The following PDE4D variants were observed in gnomAD, a reference collection of about 807,000 sequenced individuals.
PDE4D encodes the protein 3',5'-cyclic-AMP phosphodiesterase 4D.
PDE4D carries 24 observed loss-of-function variants against 87.4 expected under a neutral mutation model. The observed-to-expected ratio is 0.27, with a 90% CI of 0.20 to 0.39. The LOEUF is 0.39. Ranked by LOEUF, PDE4D falls within the 10% of genes least tolerant of loss-of-function variation. The pLI, the probability that PDE4D is intolerant of heterozygous loss-of-function variation, is 1.00. For missense variants in PDE4D, 714 were observed against 1,041.0 expected, an observed-to-expected ratio of 0.69 and a Z score of 4.32; for synonymous variants, 384 against 383.2, an observed-to-expected ratio of 1.00 and a Z score of -0.02.
Position 59,408,800 on chromosome 5 carries a change from C to G in PDE4D, c.456-192832G>C, listed in dbSNP as rs62357477. ...ATTTAATGACTGTCCTGTTGTGTTT[C>G]AGACTTGGGTGGGGCCTGAAGTCAT... On this transcript the variant is annotated intron_variant, in intron 1 of 14. Coordinates refer to ENST00000340635, the MANE Select transcript of PDE4D (RefSeq NM_001104631.2). Among the ~76,000 whole-genome samples the G allele has an allele frequency of 7.3e-3, 1,110 of 152,260 alleles. 10 individuals carry two copies. Among genetic ancestry groups the G allele is most frequent in the Middle Eastern group, 0.027 (8 of 294 alleles).
At chr5:59,108,200 G>A (rs893600706) in intron 5 of PDE4D, among the ~76,000 whole-genome samples, 4 of 152,118 alleles carry the variant, frequency 2.6e-5, no homozygotes, top group East Asian at 3.9e-4. Context: ...TACAAAATGC[G>A]TAAACCCAAC....
At chr5:60,343,220 C>G (rs1258419372) in intron 1 of PDE4D, among the ~76,000 whole-genome samples, 1 of 152,088 alleles carries the variant, frequency 6.6e-6, no homozygotes, top group East Asian at 1.9e-4. Flanking sequence ...TTCTTGTCAT[C>G]AATGAACTAG....
Position 59,622,524 on chromosome 5 carries a change from T to C in PDE4D, c.455+270644A>G, listed in dbSNP as rs189602628. ...CTACCTTAATGTATGGCTATTATTA[T>C]CTTGATGATCACATTGGCTTTGCTT... On this transcript the variant is annotated intron_variant, in intron 1 of 14. Coordinates refer to ENST00000340635, the MANE Select transcript of PDE4D (RefSeq NM_001104631.2). Among the ~76,000 whole-genome samples, 510 of 152,314 alleles carry C rather than the reference T, an allele frequency of 3.3e-3. 5 individuals are homozygous for C. The highest frequency in any genetic ancestry group is 0.012 in the African/African-American group (486 of 41,576).
chr5:60,350,668 G>C (rs1449085267), intron 1 of PDE4D, among the ~76,000 whole-genome samples: 1 of 152,172 alleles, frequency 6.6e-6, no homozygotes, highest in Non-Finnish European at 1.5e-5. Flanking sequence ...TGCAGGACAG[G>C]TGTGGCCAAA....
At chr5:59,610,703 T>C (rs1385522780) in intron 1 of PDE4D, among the ~76,000 whole-genome samples, 2 of 152,152 alleles carry the variant, frequency 1.3e-5, no homozygotes. Flanking sequence ...GATGGGATCA[T>C]GCCTCAAACC....
intron 1 of PDE4D, among the ~76,000 whole-genome samples, chr5:60,238,256 T>C (rs953049986): frequency 6.6e-6 from 1 of 152,008 alleles, no homozygotes; most frequent in South Asian, 2.1e-4. Context: ...TCATCTACTA[T>C]GCTGTAAGTC....
intron 1 of PDE4D, among the ~76,000 whole-genome samples, chr5:59,237,423 AT>A (rs1756681297): frequency 6.6e-6 from 1 of 152,084 alleles, no homozygotes; most frequent in Admixed American, 6.6e-5. Flanking sequence ...TGTTAAATAA[AT>A]TTTTTGTCAA....
intron 3 of PDE4D, among the ~76,000 whole-genome samples, chr5:59,902,262 T>C (rs1230031869): frequency 6.6e-6 from 1 of 152,116 alleles, no homozygotes; most frequent in African/African-American, 2.4e-5. Context: ...TAATATATTT[T>C]GGTGTAGTGC....
chr5:60,350,315 G>A (rs1429185937), intron 1 of PDE4D, among the ~76,000 whole-genome samples: 1 of 152,136 alleles, frequency 6.6e-6, no homozygotes, highest in East Asian at 1.9e-4. Context: ...TACTGGACAA[G>A]CCTTCAGGCT....
chr5:59,917,946 A>G (rs1310742273), intron 3 of PDE4D, among the ~76,000 whole-genome samples: 1 of 152,090 alleles, frequency 6.6e-6, no homozygotes, highest in Non-Finnish European at 1.5e-5. Flanking sequence ...TAATGTAATT[A>G]AAATTAGCTT....
intron 1 of PDE4D, among the ~76,000 whole-genome samples, chr5:59,493,026 T>C (rs746625523): frequency 2.0e-5 from 3 of 152,138 alleles, no homozygotes; most frequent in Non-Finnish European, 2.9e-5. Flanking sequence ...TTATCAGCAG[T>C]GTGAAAATGG....
chr5:59,673,414 C>G (rs1747544555), intron 1 of PDE4D, among the ~76,000 whole-genome samples: 1 of 152,178 alleles, frequency 6.6e-6, no homozygotes, highest in Non-Finnish European at 1.5e-5. Context: ...GCATGCTTCA[C>G]TTTTGTCCTC....
intron 1 of PDE4D, among the ~76,000 whole-genome samples, chr5:59,418,619 T>C (rs1474751314): frequency 6.6e-6 from 1 of 152,120 alleles, no homozygotes; most frequent in Non-Finnish European, 1.5e-5. Context: ...GACTGGTGCC[T>C]GGGTCCCAAC....
intron 2 of PDE4D, among the ~76,000 whole-genome samples, chr5:60,121,689 T>G (rs1053299471): frequency 1.3e-5 from 2 of 152,014 alleles, no homozygotes; most frequent in Non-Finnish European, 2.9e-5. Flanking sequence ...AAGATGAGAT[T>G]TGGGTGGGGA....
In PDE4D at chr5:60,412,281, A is replaced by G. The variant is rs547530097; in HGVS notation, c.-90+75661T>C. On this transcript the variant is annotated intron_variant, in intron 1 of 16. Coordinates refer to the PDE4D transcript ENST00000502484. ...AAAACAGCCAAGGGAGACTGAGACC[A>G]ATAATTTTGTTGCCGTTACCCAACA... 2.6e-5 allele frequency among the ~76,000 whole-genome samples: 4 copies of G among 152,316 alleles called. No individual in the cohort carries two copies. In the South Asian group the frequency reaches 8.3e-4, roughly 32 times the overall value.
intron 5 of PDE4D, among the ~76,000 whole-genome samples, chr5:59,135,455 T>C (rs1471991691): frequency 6.6e-6 from 1 of 152,232 alleles, no homozygotes. Flanking sequence ...TTCTTTTTCT[T>C]ACCACTCCAG....
In PDE4D at chr5:59,126,470, A is replaced by G. The variant is rs141913252; in HGVS notation, c.808+54125T>C. ...ATTTTTACAATTTTTTAAAGAACAAATAGGAAAGAGGAGAAGGTTGTACTT... is the reference window on the plus strand; with the variant it reads ...ATTTTTACAATTTTTTAAAGAACAAGTAGGAAAGAGGAGAAGGTTGTACTT... On this transcript the variant is annotated intron_variant, in intron 5 of 14. Coordinates refer to ENST00000340635, the MANE Select transcript of PDE4D (RefSeq NM_001104631.2). 2.4e-3 allele frequency among the ~76,000 whole-genome samples: 369 copies of G among 152,344 alleles called. 3 individuals are homozygous for G. Among genetic ancestry groups the G allele is most frequent in the African/African-American group, 8.5e-3 (355 of 41,584 alleles).
At chr5:60,366,111 G>A (rs989740020) in intron 1 of PDE4D, among the ~76,000 whole-genome samples, 3 of 150,608 alleles carry the variant, frequency 2.0e-5, no homozygotes. Context: ...ATTTCTGCTT[G>A]TTCTTCAACA....
At chr5:59,659,924 C>T (rs543329826) in intron 1 of PDE4D, among the ~76,000 whole-genome samples, 7 of 152,236 alleles carry the variant, frequency 4.6e-5, no homozygotes, top group South Asian at 2.1e-4. Flanking sequence ...GTAGCTCATG[C>T]CTGCAATCTT....
Sources: allele counts gnomAD v4.1 joint callset (sites outside exome capture counted in the v4.1 genomes callset), GRCh38; gene constraint gnomAD v4.1.1; transcripts MANE v1.5; gene names NCBI Gene and HGNC (gene_info 2026-07-23, HGNC 2026-07-21).